The following GRIA4 variants were observed in gnomAD, a reference collection of about 807,000 sequenced individuals.
GRIA4 encodes glutamate ionotropic receptor AMPA type subunit 4.
GRIA4 carries 34 observed loss-of-function variants against 104.0 expected under a neutral mutation model. That is an observed-to-expected ratio of 0.33 (90% CI 0.25 to 0.44). GRIA4 has a LOEUF of 0.44. Ranked by LOEUF, GRIA4 falls within the 20% of genes least tolerant of loss-of-function variation. GRIA4 has a pLI of 1.00. For missense variants in GRIA4, 750 were observed against 1,096.5 expected, an observed-to-expected ratio of 0.68 and a Z score of 4.46; for synonymous variants, 386 against 381.9, an observed-to-expected ratio of 1.01 and a Z score of -0.13.
chr11:105,765,464 T>C (rs1465336577), intron 4 of GRIA4, among the ~76,000 whole-genome samples: 1 of 152,298 alleles, frequency 6.6e-6, no homozygotes, highest in Admixed American at 6.5e-5. Flanking sequence ...CATATTGAAA[T>C]CACTGATGAG....
rs141964887 is a variant in GRIA4 at position 105,874,990 on chromosome 11, C to A, written c.673-12529C>A. ...TGAGAGAGGGCATCCTTGTGTTTTG[C>A]CAGTTTTCAAAGGGAATGCTTCCAG... On this transcript the variant is annotated intron_variant, in intron 5 of 16. Coordinates refer to ENST00000282499, the MANE Select transcript of GRIA4 (RefSeq NM_000829.4). Among the ~76,000 whole-genome samples the A allele has an allele frequency of 7.0e-3, 1,060 of 152,280 alleles. 11 individuals carry two copies. The highest frequency in any genetic ancestry group is 0.024 in the African/African-American group (1,003 of 41,566).
chr11:105,698,789 G>A (rs370778780), intron 3 of GRIA4, among the ~76,000 whole-genome samples: 14 of 152,266 alleles, frequency 9.2e-5, no homozygotes, highest in African/African-American at 3.4e-4. Flanking sequence ...TGATCCACAC[G>A]CAGGTGTGGC....
At chr11:105,723,761 C>G (rs941565909) in intron 3 of GRIA4, among the ~76,000 whole-genome samples, 2 of 152,124 alleles carry the variant, frequency 1.3e-5, no homozygotes, top group African/African-American at 4.8e-5. Flanking sequence ...ACAAGATACC[C>G]AGGGAAGTAA....
chr11:105,857,594 T>C (rs1945052443), intron 4 of GRIA4, among the ~76,000 whole-genome samples: 1 of 152,142 alleles, frequency 6.6e-6, no homozygotes, highest in Admixed American at 6.6e-5. Context: ...ACTTCATTAT[T>C]CTGATGATAT....
chr11:105,936,651 T>C (rs1948046370), intron 14 of GRIA4, among the ~76,000 whole-genome samples: 1 of 152,172 alleles, frequency 6.6e-6, no homozygotes, highest in Admixed American at 6.6e-5. Context: ...ATGTTTAAAG[T>C]GCTTCAGAAA....
chr11:105,685,835 T>C (rs1006424228), intron 3 of GRIA4, among the ~76,000 whole-genome samples: 3 of 151,912 alleles, frequency 2.0e-5, no homozygotes, highest in Admixed American at 6.6e-5. Context: ...AAGTCAACAG[T>C]AGCCTGATGG....
chr11:105,619,129 T>C (rs989281442), intron 3 of GRIA4, among the ~76,000 whole-genome samples: 3 of 151,836 alleles, frequency 2.0e-5, no homozygotes, highest in East Asian at 1.9e-4. Context: ...TTTGGATATA[T>C]TGGCCTAGAA....
chr11:105,642,011 T>A lies in GRIA4; in HGVS notation c.247+29577T>A, dbSNP rs1951377014. Among the ~76,000 whole-genome samples, 5 of 152,178 alleles carry A rather than the reference T, an allele frequency of 3.3e-5. 1 individual carries two copies. The highest frequency in any genetic ancestry group is 3.3e-4 in the Admixed American group (5 of 15,266). On this transcript the variant is annotated intron_variant, in intron 3 of 16. Transcript: ENST00000282499. ...GCTTGTAGATGCCATTATCTCCCTG[T>A]GTCTTAATATGGTCTTCCCTCTCTG...
At chr11:105,724,356 G>T (rs974102342) in intron 3 of GRIA4, among the ~76,000 whole-genome samples, 1 of 148,538 alleles carries the variant, frequency 6.7e-6, no homozygotes, top group African/African-American at 2.5e-5. Flanking sequence ...TAGATAGATG[G>T]ATACACACAC....
intron 6 of GRIA4, among the ~76,000 whole-genome samples, chr11:105,888,691 G>C (rs1048052934): frequency 1.3e-5 from 2 of 151,896 alleles, no homozygotes; most frequent in Admixed American, 6.6e-5. Context: ...CATTCTTTCC[G>C]TATGGCAAGT....
intron 3 of GRIA4, among the ~76,000 whole-genome samples, chr11:105,746,367 A>T (rs112666025): frequency 0.026 from 3,982 of 152,152 alleles, 189 homozygotes; most frequent in African/African-American, 0.09. Context: ...AGAGATAGGC[A>T]ACATCAAAAA....
At position 105,709,741 on chromosome 11, in the gene GRIA4, A is replaced by G. The variant is rs915839268; in HGVS notation, c.248-43240A>G. On this transcript the variant is annotated intron_variant, in intron 3 of 16. Coordinates refer to ENST00000282499, the MANE Select transcript of GRIA4 (RefSeq NM_000829.4). ...AGAGAGGGAAGAAAAAGGGATAGGTATTGGTGGAGGTTTGATACTACCACC... is the reference window on the plus strand; with the variant it reads ...AGAGAGGGAAGAAAAAGGGATAGGTGTTGGTGGAGGTTTGATACTACCACC... 2.0e-5 allele frequency among the ~76,000 whole-genome samples: 3 copies of G among 152,106 alleles called. No individual in the cohort carries two copies. The East Asian group carries it at 5.8e-4, about 29-fold the overall frequency.
intron 4 of GRIA4, among the ~76,000 whole-genome samples, chr11:105,825,982 T>C (rs1237297507): frequency 6.6e-6 from 1 of 151,980 alleles, no homozygotes; most frequent in East Asian, 1.9e-4. Flanking sequence ...TAGTTGAATT[T>C]GGATGTCCCC....
chr11:105,684,641 T>C (rs1952817434), intron 3 of GRIA4, among the ~76,000 whole-genome samples: 1 of 147,882 alleles, frequency 6.8e-6, no homozygotes, highest in Non-Finnish European at 1.5e-5. Context: ...TTTTATATAT[T>C]AAATATATAT....
chr11:105,701,543 A>G (rs1421184630), intron 3 of GRIA4, among the ~76,000 whole-genome samples: 1 of 152,060 alleles, frequency 6.6e-6, no homozygotes, highest in East Asian at 1.9e-4. Context: ...ATGCAATTCC[A>G]TTATAGGAGA....
intron 3 of GRIA4, among the ~76,000 whole-genome samples, chr11:105,669,562 T>C (rs1952294275): frequency 6.6e-6 from 1 of 152,138 alleles, no homozygotes; most frequent in South Asian, 2.1e-4. Context: ...ATCCACCTCA[T>C]TTTTACGCAC....
chr11:105,622,750 G>A (rs988125486), intron 3 of GRIA4, among the ~76,000 whole-genome samples: 7 of 151,710 alleles, frequency 4.6e-5, no homozygotes, highest in Admixed American at 2.0e-4. Context: ...AGATTGTGTA[G>A]TGATGAAGTC....
intron 3 of GRIA4, among the ~76,000 whole-genome samples, chr11:105,688,190 T>C (rs10895858): frequency 0.24 from 29,945 of 126,104 alleles, 4,285 homozygotes; most frequent in East Asian, 0.35. Flanking sequence ...ATCTATCTAT[T>C]TATCTATATG....
chr11:105,810,074 T>A (rs1943112309), intron 4 of GRIA4, among the ~76,000 whole-genome samples: 1 of 152,214 alleles, frequency 6.6e-6, no homozygotes, highest in Non-Finnish European at 1.5e-5. Flanking sequence ...TGTGTTCCAC[T>A]GATCCATCAC....
Sources: gnomAD v4.1 joint callset for allele counts (sites outside exome capture counted in the v4.1 genomes callset) on GRCh38, gnomAD v4.1.1 for gene constraint, MANE v1.5 for transcripts, NCBI Gene and HGNC (gene_info 2026-07-23, HGNC 2026-07-21) for gene names.